The following TECRL variants were observed in gnomAD, a reference collection of about 807,000 sequenced individuals.
The protein encoded by TECRL is trans-2,3-enoyl-CoA reductase-like.
In TECRL, 63 loss-of-function variants were observed where a neutral mutation model predicts 52.8. The ratio of observed to expected loss-of-function variants is 1.19; its 90% CI spans 0.97 to 1.47. The LOEUF (loss-of-function observed/expected upper bound fraction) is 1.47. Among genes scored for constraint, TECRL ranks in the 40% most tolerant of loss-of-function variants. The probability of loss-of-function intolerance (pLI) is 0.00; values close to 1 mark genes in which losing one functional copy is unlikely to be tolerated. For synonymous variants in TECRL, 164 were observed against 141.9 expected (o/e 1.16, Z -1.10); for missense variants, 482 against 429.6 (o/e 1.12, Z -1.08).
At chr4:64,277,428 TATC>T (rs1722611645), downstream of TECRL, among the ~76,000 whole-genome samples, 1 of 151,940 alleles carries the variant, frequency 6.6e-6, no homozygotes, top group South Asian at 2.1e-4. Context: ...CATTAAATGA[TATC>T]ATACAATTTA....
At chr4:64,336,411 A>G (rs551790383) in intron 2 of TECRL, among the ~76,000 whole-genome samples, 2 of 152,174 alleles carry the variant, frequency 1.3e-5, no homozygotes, top group South Asian at 4.1e-4. Flanking sequence ...CTTCTTTATT[A>G]GTCTTGCTAG....
chr4:64,310,703 G>T (rs990175015), intron 5 of TECRL, among the ~76,000 whole-genome samples: 1 of 151,882 alleles, frequency 6.6e-6, no homozygotes, highest in Non-Finnish European at 1.5e-5. Flanking sequence ...AATTCAATAC[G>T]GATCAAAGAT....
chr4:64,276,898 G>C, downstream of TECRL: 1 of 526,366 alleles, frequency 1.9e-6, no homozygotes. Context: ...CTTATGTATA[G>C]TAACTCCTAA....
In TECRL at chr4:64,404,926, G is replaced by A. The variant is rs1057176986; in HGVS notation, c.234+4192C>T. 4.6e-5 allele frequency among the ~76,000 whole-genome samples: 7 copies of A among 151,964 alleles called. No homozygotes were observed. In the South Asian group the frequency reaches 1.0e-3, roughly 23 times the overall value. On this transcript the variant is annotated intron_variant, in intron 1 of 11. Coordinates refer to ENST00000381210, the MANE Select transcript of TECRL (RefSeq NM_001010874.5). ...GTCAAATTCACATGTTTCTTGAACC[G>A]GAGTGCACTTATTCAACACATATTG...
intron 3 of TECRL, among the ~76,000 whole-genome samples, chr4:64,326,627 G>A (rs1026974238): frequency 6.6e-6 from 1 of 152,034 alleles, no homozygotes; most frequent in Non-Finnish European, 1.5e-5. Context: ...ATTGAACAAA[G>A]GGAATTTCAT....
At chr4:64,377,292 G>A (rs945380968) in intron 1 of TECRL, among the ~76,000 whole-genome samples, 1 of 151,960 alleles carries the variant, frequency 6.6e-6, no homozygotes, top group East Asian at 1.9e-4. Flanking sequence ...ATTAGCCACA[G>A]GATTGTACTT....
chr4:64,288,087 T>G (rs1450461263), intron 9 of TECRL, among the ~76,000 whole-genome samples: 3 of 151,294 alleles, frequency 2.0e-5, no homozygotes, highest in Non-Finnish European at 4.4e-5. Flanking sequence ...AGGCAGAAGT[T>G]GCAGTGAGCC....
At chr4:64,346,402 G>A (rs775660591) in intron 2 of TECRL, among the ~76,000 whole-genome samples, 12 of 152,200 alleles carry the variant, frequency 7.9e-5, no homozygotes, top group East Asian at 1.9e-4. Flanking sequence ...TCCTACAGCC[G>A]ACTTCTGTCT....
chr4:64,309,244 C>G (rs1325718395), intron 6 of TECRL, among the ~76,000 whole-genome samples: 1 of 152,088 alleles, frequency 6.6e-6, no homozygotes, highest in Non-Finnish European at 1.5e-5. Context: ...TACAGACAAA[C>G]CTTTTTCTGA....
chr4:64,364,876 GGAA>G (rs1384319352), intron 2 of TECRL, among the ~76,000 whole-genome samples: 4 of 150,956 alleles, frequency 2.6e-5, no homozygotes, highest in Admixed American at 6.6e-5. Flanking sequence ...TTTTCATTGA[GGAA>G]GAAGGACTCC....
chr4:64,344,275 C>G (rs150157963), intron 2 of TECRL, among the ~76,000 whole-genome samples: 1 of 150,534 alleles, frequency 6.6e-6, no homozygotes, highest in African/African-American at 2.4e-5. Context: ...ATGTCTATAT[C>G]TATCTATAAG....
intron 2 of TECRL, among the ~76,000 whole-genome samples, chr4:64,349,511 C>T (rs1720231753): frequency 6.6e-6 from 1 of 152,086 alleles, no homozygotes; most frequent in Admixed American, 6.6e-5. Context: ...TTTGATTACC[C>T]TGAGTGAAAA....
At chr4:64,309,195 T>C (rs1041689844) in intron 6 of TECRL, among the ~76,000 whole-genome samples, 3 of 152,150 alleles carry the variant, frequency 2.0e-5, no homozygotes, top group East Asian at 3.9e-4. Flanking sequence ...GTTGCGATAT[T>C]ACAAAGCAGA....
intron 6 of TECRL, among the ~76,000 whole-genome samples, chr4:64,306,369 T>A (rs1483723): frequency 0.67 from 101,157 of 152,032 alleles, 35,010 homozygotes; most frequent in Non-Finnish European, 0.76. Flanking sequence ...GGTATCTGGC[T>A]GAGGCTAGAT....
At chr4:64,311,740 C>T (rs1717013353) in intron 5 of TECRL, among the ~76,000 whole-genome samples, 1 of 152,124 alleles carries the variant, frequency 6.6e-6, no homozygotes. Context: ...TATTATTATT[C>T]TATTTAATGA....
chr4:64,335,271 A>G (rs954362897), intron 2 of TECRL, among the ~76,000 whole-genome samples: 2 of 152,144 alleles, frequency 1.3e-5, no homozygotes, highest in East Asian at 1.9e-4. Flanking sequence ...AAGTGGCAGC[A>G]TTAGATTCTC....
chr4:64,311,496 A>T (rs951032425), intron 5 of TECRL, among the ~76,000 whole-genome samples: 10 of 152,198 alleles, frequency 6.6e-5, no homozygotes. Flanking sequence ...GTAGTTACAA[A>T]AACCCTTGAG....
chr4:64,348,195 G>A (rs1577913752), intron 2 of TECRL, among the ~76,000 whole-genome samples: 1 of 152,274 alleles, frequency 6.6e-6, no homozygotes, highest in Non-Finnish European at 1.5e-5. Flanking sequence ...GAGGTCTCAG[G>A]AAAGATATAA....
At chr4:64,365,943 CAAAT>C (rs1721572035) in intron 2 of TECRL, among the ~76,000 whole-genome samples, 1 of 151,806 alleles carries the variant, frequency 6.6e-6, no homozygotes, top group African/African-American at 2.4e-5. Flanking sequence ...CCTAAGCAAA[CAAAT>C]AAAGCTGGAA....
Sources: allele counts gnomAD v4.1 joint callset (sites outside exome capture counted in the v4.1 genomes callset), GRCh38; gene constraint gnomAD v4.1.1; transcripts MANE v1.5; gene names NCBI Gene and HGNC (gene_info 2026-07-23, HGNC 2026-07-21).